SDK1: variants seen among roughly 807,000 people sequenced by gnomAD.
SDK1 encodes the protein protein sidekick-1.
Under a neutral mutation model 245.5 loss-of-function variants are expected in SDK1, and 157 were observed. The observed-to-expected ratio is 0.64, with a 90% CI of 0.56 to 0.73. The LOEUF (loss-of-function observed/expected upper bound fraction) is 0.73. Ranked by LOEUF, SDK1 falls within the 30% of genes least tolerant of loss-of-function variation. The probability of loss-of-function intolerance (pLI) is 0.00; values close to 1 mark genes in which losing one functional copy is unlikely to be tolerated. For missense variants in SDK1, 3,583 were observed against 3,002.3 expected, an observed-to-expected ratio of 1.19 and a Z score of -4.52; for synonymous variants, 1,647 against 1,278.5, an observed-to-expected ratio of 1.29 and a Z score of -6.15.
intron 5 of SDK1, among the ~76,000 whole-genome samples, chr7:3,928,455 C>T (rs555372985): frequency 1.8e-4 from 27 of 152,158 alleles, no homozygotes; most frequent in African/African-American, 6.5e-4. Context: ...AATGATGAAA[C>T]TTTGTTAATA....
At chr7:3,369,341 A>G (rs747109867) in intron 1 of SDK1, among the ~76,000 whole-genome samples, 10 of 152,164 alleles carry the variant, frequency 6.6e-5, no homozygotes, top group African/African-American at 2.4e-4. Context: ...GCACCCACCA[A>G]TAATGTAAAT....
intron 14 of SDK1, among the ~76,000 whole-genome samples, chr7:4,005,234 A>G (rs1266730628): frequency 6.6e-6 from 1 of 151,310 alleles, no homozygotes; most frequent in African/African-American, 2.4e-5. Context: ...TTTAGTAGAG[A>G]CAGGGTTTTA....
intron 4 of SDK1, among the ~76,000 whole-genome samples, chr7:3,674,811 A>G (rs1254112312): frequency 6.6e-6 from 1 of 152,150 alleles, no homozygotes; most frequent in Non-Finnish European, 1.5e-5. Flanking sequence ...ACAGAGATCC[A>G]CAAGATTGGC....
chr7:3,847,599 T>C (rs1259337916), intron 5 of SDK1, among the ~76,000 whole-genome samples: 1 of 152,228 alleles, frequency 6.6e-6, no homozygotes, highest in Non-Finnish European at 1.5e-5. Context: ...GCTGTCATGC[T>C]CTCATTATCT....
At chr7:3,608,644 G>A (rs1012478584) in intron 1 of SDK1, among the ~76,000 whole-genome samples, 3 of 152,186 alleles carry the variant, frequency 2.0e-5, no homozygotes, top group African/African-American at 7.2e-5. Flanking sequence ...ATTGTATAAT[G>A]AAACGTGTCA....
chr7:3,768,221 C>T (rs971713373), intron 4 of SDK1, among the ~76,000 whole-genome samples: 2 of 152,160 alleles, frequency 1.3e-5, no homozygotes, highest in Admixed American at 6.5e-5. Context: ...AGACTGCAAC[C>T]ATACTTCTCC....
chr7:3,820,184 T>C (rs985508068), intron 4 of SDK1, among the ~76,000 whole-genome samples: 13 of 152,210 alleles, frequency 8.5e-5, no homozygotes, highest in African/African-American at 3.1e-4. Flanking sequence ...AGAGTCTTGC[T>C]CTGTCACCAG....
At chr7:3,768,167 C>G (rs1230793145) in intron 4 of SDK1, among the ~76,000 whole-genome samples, 1 of 152,192 alleles carries the variant, frequency 6.6e-6, no homozygotes. Flanking sequence ...AACCAGCTTT[C>G]TAATTGCATT....
At chr7:4,236,002 C>T (rs1336416157) in intron 41 of SDK1, among the ~76,000 whole-genome samples, 1 of 152,244 alleles carries the variant, frequency 6.6e-6, no homozygotes, top group Non-Finnish European at 1.5e-5. Flanking sequence ...GTACCAAATG[C>T]GCAGCCCACA....
intron 4 of SDK1, among the ~76,000 whole-genome samples, chr7:3,648,266 T>C (rs970127633): frequency 1.3e-5 from 2 of 152,238 alleles, no homozygotes; most frequent in East Asian, 1.9e-4. Context: ...TTGGTAGTTA[T>C]CAGATTAGAA....
chr7:3,890,002 C>A (rs944484341), intron 5 of SDK1, among the ~76,000 whole-genome samples: 11 of 152,226 alleles, frequency 7.2e-5, no homozygotes, highest in Non-Finnish European at 1.5e-4. Flanking sequence ...CCAAGAACCT[C>A]TGACTGGTTC....
In SDK1 at chr7:3,668,984, G is replaced by A. The variant is rs73673687; in HGVS notation, c.713+26879G>A. Among the ~76,000 whole-genome samples the A allele has an allele frequency of 5.2e-3, 785 of 152,220 alleles. 6 individuals carry two copies. Among genetic ancestry groups the A allele is most frequent in the African/African-American group, 0.018 (756 of 41,534 alleles). The stretch of plus-strand genomic sequence containing the variant: ...CAGAGCATGTCTGGTAAGGAATGTT[G>A]CTGTGCCCCATTTGAAAAGGACAAT... On this transcript the variant is annotated intron_variant, in intron 4 of 44. Transcript: ENST00000404826.
At chr7:3,420,757 T>C (rs1462833225) in intron 1 of SDK1, among the ~76,000 whole-genome samples, 1 of 152,210 alleles carries the variant, frequency 6.6e-6, no homozygotes, top group Non-Finnish European at 1.5e-5. Flanking sequence ...TTTTTTAAAA[T>C]TTAATTTTAA....
In SDK1 at chr7:3,331,458, A is replaced by G. The variant is rs182745861; in HGVS notation, c.298+29574A>G. 2.6e-5 allele frequency among the ~76,000 whole-genome samples: 4 copies of G among 152,352 alleles called. No individual in the cohort carries two copies. In the East Asian group the frequency reaches 7.7e-4, roughly 29 times the overall value. ...TTGCATATCTTCTTTGGGGAAATACATATCAGATCCTTTGCCCGTTTTTTA... is the reference window on the plus strand; with the variant it reads ...TTGCATATCTTCTTTGGGGAAATACGTATCAGATCCTTTGCCCGTTTTTTA... On this transcript the variant is annotated intron_variant, in intron 1 of 44. Transcript: ENST00000404826.
chr7:3,352,937 A>G (rs935373538), intron 1 of SDK1, among the ~76,000 whole-genome samples: 1 of 152,124 alleles, frequency 6.6e-6, no homozygotes, highest in Non-Finnish European at 1.5e-5. Context: ...GGATGCAGGA[A>G]CAAGCTCTAC....
intron 7 of SDK1, among the ~76,000 whole-genome samples, chr7:3,953,638 G>C (rs1049772806): frequency 6.6e-6 from 1 of 152,172 alleles, no homozygotes; most frequent in African/African-American, 2.4e-5. Flanking sequence ...AACAAGAGAA[G>C]AAATTTATCT....
chr7:3,548,101 A>G (rs1430595894), intron 1 of SDK1, among the ~76,000 whole-genome samples: 1 of 152,216 alleles, frequency 6.6e-6, no homozygotes, highest in Non-Finnish European at 1.5e-5. Context: ...CATACTATGT[A>G]CTATAAGTTT....
chr7:3,349,225 A>G (rs1036789942), intron 1 of SDK1, among the ~76,000 whole-genome samples: 6 of 152,040 alleles, frequency 3.9e-5, no homozygotes, highest in Non-Finnish European at 8.8e-5. Context: ...CAAAACAAAC[A>G]CACAACAGCC....
chr7:4,136,948 G>T (rs1252519865), intron 28 of SDK1, among the ~76,000 whole-genome samples: 1 of 152,194 alleles, frequency 6.6e-6, no homozygotes. Context: ...GGGCGTCCTG[G>T]GGCGATTCAG....
Sources: gnomAD v4.1 joint callset for allele counts (sites outside exome capture counted in the v4.1 genomes callset) on GRCh38, gnomAD v4.1.1 for gene constraint, MANE v1.5 for transcripts, NCBI Gene and HGNC (gene_info 2026-07-23, HGNC 2026-07-21) for gene names.